The following ANKH variants were observed in gnomAD, a reference collection of about 807,000 sequenced individuals.
ANKH encodes mineralization regulator ANKH.
ANKH carries 15 observed loss-of-function variants against 49.0 expected under a neutral mutation model. The observed-to-expected ratio is 0.31, with a 90% CI of 0.20 to 0.47. The LOEUF (loss-of-function observed/expected upper bound fraction) is 0.47, where lower values mean the gene tolerates loss of function less well. ANKH is among the 20% of genes least tolerant of loss of function. The pLI is 1.00. For synonymous variants in ANKH, 273 were observed against 260.0 expected, an observed-to-expected ratio of 1.05 and a Z score of -0.48; for missense variants, 429 against 652.0, an observed-to-expected ratio of 0.66 and a Z score of 3.72.
chr5:14,755,246 A>G (rs1484402210), intron 4 of ANKH, among the ~76,000 whole-genome samples: 1 of 152,194 alleles, frequency 6.6e-6, no homozygotes, highest in East Asian at 1.9e-4. Flanking sequence ...TGGTAGAAGA[A>G]GAAAGGACAG....
intron 1 of ANKH, chr5:14,788,322 G>C (rs1740044324): frequency 6.6e-6 from 1 of 152,186 alleles, no homozygotes; most frequent in Admixed American, 6.5e-5. Context: ...TCCTGTCCCA[G>C]GGATTATCAC....
intron 1 of ANKH, among the ~76,000 whole-genome samples, chr5:14,786,092 G>T: frequency 7.2e-6 from 1 of 138,966 alleles, no homozygotes; most frequent in South Asian, 2.5e-4. Flanking sequence ...GGGAGAAAAA[G>T]TAAAAAAATA....
rs148012839 is a variant in ANKH at position 14,863,058 on chromosome 5, G to T, written c.96+8294C>A. On this transcript the variant is annotated intron_variant, in intron 1 of 11. Coordinates refer to ENST00000284268, the MANE Select transcript of ANKH (RefSeq NM_054027.6). ...AATATTAGCTATGTTTATGGTGTTT[G>T]TGTTATCATTAAGTGGTTACACGGG... Among the ~76,000 whole-genome samples the T allele has an allele frequency of 4.2e-3, 636 of 152,230 alleles. 5 individuals carry two copies. The highest frequency in any genetic ancestry group is 7.0e-3 in the Non-Finnish European group (475 of 68,020).
intron 6 of ANKH, among the ~76,000 whole-genome samples, chr5:14,748,954 A>G (rs1738625662): frequency 6.6e-6 from 1 of 152,272 alleles, no homozygotes; most frequent in Non-Finnish European, 1.5e-5. Context: ...AGAAGGATGT[A>G]CGACATGCAT....
At chr5:14,765,513 C>G (rs891815648) in intron 2 of ANKH, among the ~76,000 whole-genome samples, 1 of 152,034 alleles carries the variant, frequency 6.6e-6, no homozygotes, top group Non-Finnish European at 1.5e-5. Flanking sequence ...TCTGAGTGGT[C>G]AGTGGTATCT....
intron 2 of ANKH, among the ~76,000 whole-genome samples, chr5:14,764,690 T>C (rs1211217875): frequency 6.6e-6 from 1 of 152,242 alleles, no homozygotes; most frequent in African/African-American, 2.4e-5. Context: ...CCCTCGTTGG[T>C]TTAAATTATG....
rs1192031622 is a variant in ANKH at position 14,713,786 on chromosome 5, G to T, written c.1142-119C>A. 3 of 1,443,652 alleles carry T rather than the reference G, an allele frequency of 2.1e-6. No homozygotes were observed. Among genetic ancestry groups the T allele is most frequent in the Non-Finnish European group, 2.9e-6 (3 of 1,036,984 alleles). 89.4% of individuals were successfully genotyped at this position (1,443,652 alleles called of 1,614,324 possible). A position where few individuals can be genotyped will look rare whatever the true frequency, so the allele number is the denominator to read the frequency against. On this transcript the variant is annotated intron_variant, in intron 9 of 11. Coordinates refer to ENST00000284268, the MANE Select transcript of ANKH (RefSeq NM_054027.6). This position sits in a 1 kb window ranked among gnomAD's most constrained non-coding sequence, Gnocchi z 4.4. ...GGCTGCCTAGGACCCTGGCCTTGCT[G>T]TTGAGCCGCTGGCCACCTCATCTTC...
intron 8 of ANKH, among the ~76,000 whole-genome samples, chr5:14,727,923 T>C (rs1242332375): frequency 2.0e-5 from 3 of 152,220 alleles, no homozygotes; most frequent in African/African-American, 7.2e-5. Context: ...GCACACTCTG[T>C]TCATTTGCTC....
At chr5:14,746,044 G>A (rs1053866397) in intron 6 of ANKH, 82 bp from the exon 7 acceptor site, 18 of 1,109,238 alleles carry the variant, frequency 1.6e-5, no homozygotes, top group East Asian at 4.8e-5. Context: ...GAAGCACGCC[G>A]ACTCAGGTGC....
chr5:14,858,631 G>A (rs182735673), intron 1 of ANKH, among the ~76,000 whole-genome samples: 59 of 151,986 alleles, frequency 3.9e-4, no homozygotes, highest in African/African-American at 1.1e-3. Context: ...CAGGAAAATC[G>A]CTTAAACACA....
intron 1 of ANKH, among the ~76,000 whole-genome samples, chr5:14,816,271 G>T (rs1305890485): frequency 1.3e-5 from 2 of 152,172 alleles, no homozygotes; most frequent in Non-Finnish European, 2.9e-5. Context: ...ACCTCTGCAG[G>T]ACTCAGTATC....
chr5:14,814,410 G>GGGCAACATACCA (rs1561067763), intron 1 of ANKH, among the ~76,000 whole-genome samples: 1 of 152,168 alleles, frequency 6.6e-6, no homozygotes, highest in African/African-American at 2.4e-5. Context: ...AGACCAGCCT[G>GGGCAACATACCA]GGCAACATAC....
intron 1 of ANKH, chr5:14,797,786 C>T: frequency 6.2e-7 from 1 of 1,611,358 alleles, no homozygotes; most frequent in Non-Finnish European, 8.5e-7. Flanking sequence ...CACTGATGTC[C>T]CACAGGCAGA....
intron 1 of ANKH, among the ~76,000 whole-genome samples, chr5:14,774,444 AT>A (rs1254681534): frequency 7.3e-5 from 11 of 151,624 alleles, no homozygotes; most frequent in Non-Finnish European, 1.3e-4. Flanking sequence ...TATTATTATT[AT>A]TTTTTTCCTC....
chr5:14,707,351 C>G lies in ANKH; in HGVS notation c.*3846G>C, dbSNP rs578134396. 6.6e-6 allele frequency: 1 copy of G among 151,924 alleles called. No individual in the cohort carries two copies. Among genetic ancestry groups the G allele is most frequent in the Non-Finnish European group, 1.5e-5 (1 of 67,964 alleles). The allele number at this position is 151,924 out of a possible 1,614,324, so 9.4% of individuals were successfully genotyped here. On this transcript the variant is annotated 3_prime_UTR_variant, in exon 12 of 12. Coordinates refer to ENST00000284268, the MANE Select transcript of ANKH (RefSeq NM_054027.6). ...TTCAAATCGATGTGTTCCTAGAAAC[C>G]AAGGATATAGAAAAGTTACTCTCCC... is the stretch of plus-strand genomic sequence containing the variant.
chr5:14,847,282 G>A (rs1334703771), intron 1 of ANKH, among the ~76,000 whole-genome samples: 1 of 152,162 alleles, frequency 6.6e-6, no homozygotes, highest in African/African-American at 2.4e-5. Flanking sequence ...AGATTACTAA[G>A]GGGGAAAAAG....
chr5:14,710,839 G>A lies in ANKH; in HGVS notation c.*358C>T, dbSNP rs1455158395. ...CTGTGGCCTGCTGTGCAGGGTGACC[G>A]AGGCGCGATGGCACAGCTGCAGTCC... On this transcript the variant is annotated 3_prime_UTR_variant, in exon 12 of 12. Coordinates refer to ENST00000284268, the MANE Select transcript of ANKH (RefSeq NM_054027.6). 2.1e-5 allele frequency: 7 copies of A among 339,572 alleles called. No individual in the cohort carries two copies. The East Asian group carries it at 2.3e-4, about 11-fold the overall frequency. 21.0% of individuals were successfully genotyped at this position (339,572 alleles called of 1,614,324 possible).
At chr5:14,815,030 T>C (rs1433522068) in intron 1 of ANKH, among the ~76,000 whole-genome samples, 1 of 152,218 alleles carries the variant, frequency 6.6e-6, no homozygotes, top group Admixed American at 6.5e-5. Flanking sequence ...AAGTTGGTTC[T>C]CACCCACCAG....
At chr5:14,848,738 A>C (rs1742040398) in intron 1 of ANKH, among the ~76,000 whole-genome samples, 1 of 152,174 alleles carries the variant, frequency 6.6e-6, no homozygotes, top group Admixed American at 6.5e-5. Context: ...TCCGTGACCC[A>C]CGGCTTCTAA....
Sources: gnomAD v4.1 joint callset for allele counts (sites outside exome capture counted in the v4.1 genomes callset) on GRCh38, gnomAD v4.1.1 for gene constraint, Gnocchi (gnomAD v3.1) non-coding constraint, MANE v1.5 for transcripts, NCBI Gene and HGNC (gene_info 2026-07-23, HGNC 2026-07-21) for gene names.